The following FRMD3 variants were observed in gnomAD, a reference collection of about 807,000 sequenced individuals.
FRMD3 encodes FERM domain-containing protein 3.
A neutral mutation model predicts 70.2 loss-of-function variants in FRMD3; 33 were observed. The ratio of observed to expected loss-of-function variants is 0.47; its 90% CI spans 0.36 to 0.63. FRMD3 has a LOEUF of 0.63. Ranked by LOEUF, FRMD3 falls within the 20% of genes least tolerant of loss-of-function variation. The pLI is 0.00. For synonymous variants in FRMD3, 279 were observed against 255.9 expected, an observed-to-expected ratio of 1.09 and a Z score of -0.86; for missense variants, 632 against 711.4, an observed-to-expected ratio of 0.89 and a Z score of 1.27.
intron 13 of FRMD3, chr9:83,267,137 A>G: frequency 6.4e-7 from 1 of 1,550,664 alleles, no homozygotes; most frequent in Middle Eastern, 1.7e-4. Flanking sequence ...GCATTTTGCC[A>G]TACTGGTTAT....
chr9:83,351,230 A>T lies in FRMD3; in HGVS notation c.296-1473T>A, dbSNP rs939914269. Among the ~76,000 whole-genome samples, 11 of 152,194 alleles carry T rather than the reference A, an allele frequency of 7.2e-5. No individual in the cohort carries two copies. The East Asian group carries it at 1.9e-3, about 27-fold the overall frequency. ...TGTATAATAAGAATAATTTAATATG[A>T]AAAACAATTATTAAAAAGGATTTGA... On this transcript the variant is annotated intron_variant, in intron 3 of 13. Transcript: ENST00000304195.
At chr9:83,445,944 A>C (rs1346591637) in intron 1 of FRMD3, among the ~76,000 whole-genome samples, 1 of 152,228 alleles carries the variant, frequency 6.6e-6, no homozygotes, top group African/African-American at 2.4e-5. Flanking sequence ...AGAGTTCACA[A>C]GGAGCTCTCT....
intron 10 of FRMD3, among the ~76,000 whole-genome samples, chr9:83,306,596 T>G (rs1835144825): frequency 6.6e-6 from 1 of 152,214 alleles, no homozygotes; most frequent in Non-Finnish European, 1.5e-5. Flanking sequence ...TCTAGCTTTT[T>G]TCTTTTTTTT....
At chr9:83,267,035 G>A (rs1424961566) in intron 13 of FRMD3, 1 of 1,550,956 alleles carries the variant, frequency 6.4e-7, no homozygotes, top group South Asian at 1.2e-5. Context: ...TGTGACCTTG[G>A]AGCCGAGTCT....
At chr9:83,580,658 A>G in the FRMD3 span, among the ~76,000 whole-genome samples, 1 of 152,126 alleles carries the variant, frequency 6.6e-6, no homozygotes, top group Non-Finnish European at 1.5e-5. Context: ...CAAAGGGTAC[A>G]AAGTTTCAGC....
the FRMD3 span, among the ~76,000 whole-genome samples, chr9:83,566,879 C>A: frequency 1.3e-5 from 2 of 152,202 alleles, no homozygotes; most frequent in Non-Finnish European, 2.9e-5. Context: ...GTGTCTGAGG[C>A]TTTTCCAGGC....
chr9:83,308,410 G>A (rs1587706569), intron 10 of FRMD3, among the ~76,000 whole-genome samples: 1 of 152,142 alleles, frequency 6.6e-6, no homozygotes, highest in Non-Finnish European at 1.5e-5. Context: ...TCATTCTCCT[G>A]ATGGTTCTCA....
chr9:83,258,392 T>C (rs1340044861), intron 13 of FRMD3, among the ~76,000 whole-genome samples: 1 of 152,262 alleles, frequency 6.6e-6, no homozygotes, highest in Non-Finnish European at 1.5e-5. Flanking sequence ...ATGCTACAGC[T>C]GAGGTTTCCA....
At chr9:83,547,316 A>G in the FRMD3 span, among the ~76,000 whole-genome samples, 3 of 148,384 alleles carry the variant, frequency 2.0e-5, no homozygotes, top group Non-Finnish European at 4.5e-5. Flanking sequence ...GGTCATTATG[A>G]TTATATAATA....
intron 1 of FRMD3, among the ~76,000 whole-genome samples, chr9:83,452,230 T>C (rs1345414625): frequency 6.6e-6 from 1 of 152,176 alleles, no homozygotes; most frequent in Non-Finnish European, 1.5e-5. Flanking sequence ...ATGGGAGCTG[T>C]CAAAATCTGG....
chr9:83,258,012 G>T (rs867111277), intron 13 of FRMD3, among the ~76,000 whole-genome samples: 6 of 152,122 alleles, frequency 3.9e-5, no homozygotes, highest in Non-Finnish European at 8.8e-5. Flanking sequence ...AAGAAATACT[G>T]TATAAAATGA....
At chr9:83,416,718 C>T (rs747710600) in intron 1 of FRMD3, among the ~76,000 whole-genome samples, 15 of 149,576 alleles carry the variant, frequency 1.0e-4, no homozygotes, top group Non-Finnish European at 1.6e-4. Flanking sequence ...AAAGAGACTA[C>T]AGGATGTCCC....
At chr9:83,539,171 G>A (rs184257205), upstream of FRMD3, among the ~76,000 whole-genome samples, 4 of 152,266 alleles carry the variant, frequency 2.6e-5, no homozygotes, top group Middle Eastern at 3.4e-3. Flanking sequence ...GGTTGCTCAG[G>A]AATTAAGAGG....
the FRMD3 span, among the ~76,000 whole-genome samples, chr9:83,577,134 A>G: frequency 6.6e-6 from 1 of 152,154 alleles, no homozygotes; most frequent in Non-Finnish European, 1.5e-5. Context: ...AATATTATTA[A>G]GATGGCAATA....
chr9:83,537,491 C>T lies in FRMD3; in HGVS notation c.147+594G>A, dbSNP rs1052681993. On this transcript the variant is annotated intron_variant, in intron 1 of 13. Transcript: ENST00000304195. This position sits in a 1 kb window ranked among gnomAD's most constrained non-coding sequence, Gnocchi z 4.1. Reference sequence around the variant, plus strand: ...GCGCTCCATCCCTCAAGGCTGGCGCCCAGGGCAGCCCGGCCTCTCTCACTC... The same window carrying T: ...GCGCTCCATCCCTCAAGGCTGGCGCTCAGGGCAGCCCGGCCTCTCTCACTC... Among the ~76,000 whole-genome samples the T allele has an allele frequency of 9.2e-5, 14 of 152,200 alleles. No homozygotes were observed. Among genetic ancestry groups the T allele is most frequent in the African/African-American group, 2.7e-4 (11 of 41,450 alleles).
intron 1 of FRMD3, among the ~76,000 whole-genome samples, chr9:83,511,939 G>T (rs7043389): frequency 0.74 from 112,738 of 151,904 alleles, 42,467 homozygotes; most frequent in African/African-American, 0.88. Flanking sequence ...CTGAAGTGAC[G>T]GCTTAGATTG....
At position 83,514,789 on chromosome 9, in the gene FRMD3, C is replaced by G. The variant is rs192115016; in HGVS notation, c.147+23296G>C. On this transcript the variant is annotated intron_variant, in intron 1 of 13. Coordinates refer to ENST00000304195, the MANE Select transcript of FRMD3 (RefSeq NM_174938.6). ...GGAGCAAGCAGCAATCTTTGCTGTT[C>G]TGCAGCCACCACTGGTGATACCCAG... 2.6e-3 allele frequency among the ~76,000 whole-genome samples: 402 copies of G among 152,334 alleles called. 2 individuals are homozygous for G. Among genetic ancestry groups the G allele is most frequent in the Non-Finnish European group, 4.8e-3 (326 of 68,028 alleles).
chr9:83,279,906 C>T (rs934262003), intron 13 of FRMD3, among the ~76,000 whole-genome samples: 2 of 152,120 alleles, frequency 1.3e-5, no homozygotes, highest in African/African-American at 2.4e-5. Flanking sequence ...CCATGGCACA[C>T]GTCTACCTAT....
chr9:83,271,014 C>T (rs993468880), intron 13 of FRMD3, among the ~76,000 whole-genome samples: 2 of 152,180 alleles, frequency 1.3e-5, no homozygotes, highest in African/African-American at 4.8e-5. Flanking sequence ...CCGGCCATGC[C>T]TATTACCTTG....
Sources: gnomAD v4.1 joint callset for allele counts (sites outside exome capture counted in the v4.1 genomes callset) on GRCh38, gnomAD v4.1.1 for gene constraint, Gnocchi (gnomAD v3.1) non-coding constraint, MANE v1.5 for transcripts, NCBI Gene and HGNC (gene_info 2026-07-23, HGNC 2026-07-21) for gene names.